Variants in ST14 observed in about 807,000 individuals in gnomAD.
ST14 encodes suppressor of tumorigenicity 14 protein.
ST14 carries 40 observed loss-of-function variants against 96.5 expected under a neutral mutation model. The ratio of observed to expected loss-of-function variants is 0.41; its 90% CI spans 0.32 to 0.54. ST14 has a LOEUF of 0.54. Ranked by LOEUF, ST14 falls within the 20% of genes least tolerant of loss-of-function variation. ST14 has a pLI of 0.17. For synonymous variants in ST14, 506 were observed against 492.1 expected (o/e 1.03, Z -0.37); for missense variants, 1,066 against 1,188.9 (o/e 0.90, Z 1.52).
chr11:130,209,515 G>A lies in ST14; in HGVS notation c.2343G>A (p.Pro781=), dbSNP rs763289583. 3.2e-6 allele frequency: 5 copies of A among 1,583,424 alleles called. No individual in the cohort carries two copies. Among genetic ancestry groups the A allele is most frequent in the Non-Finnish European group, 4.3e-6 (5 of 1,164,670 alleles). ...INQTTCENLL[P]QQITPRMMCV... is the part of the protein sequence containing the mutation. ...AGACCACCTGCGAGAACCTCCTGCC[G>A]CAGCAGATCACGCCGCGCATGATGT... The change falls in exon 18 of 19, where the codon CCG becomes CCA. Residue 781 remains proline, a synonymous_variant. Transcript: ENST00000278742.
intron 1 of ST14, among the ~76,000 whole-genome samples, chr11:130,172,099 T>C (rs989325982): frequency 2.0e-5 from 3 of 152,028 alleles, no homozygotes; most frequent in Non-Finnish European, 1.5e-5. Context: ...TCTCTTGTTT[T>C]GTTTTTTTGT....
In ST14 at chr11:130,200,042, T is replaced by G. The variant is rs1953411223; in HGVS notation, c.1899T>G (p.His633Gln). 1.2e-6 allele frequency: 2 copies of G among 1,614,186 alleles called. No homozygotes were observed. Among genetic ancestry groups the G allele is most frequent in the Non-Finnish European group, 8.5e-7 (1 of 1,180,028 alleles). Reference sequence around the variant, plus strand: ...AGTGGCCCTGGCAGGTAAGCCTGCATGCTCTGGGCCAGGGCCACATCTGCG... The same window carrying G: ...AGTGGCCCTGGCAGGTAAGCCTGCAGGCTCTGGGCCAGGGCCACATCTGCG... Reference protein sequence around the residue: ...EGEWPWQVSLHALGQGHICGA... With the variant: ...EGEWPWQVSLQALGQGHICGA... Residue 633 changes from histidine (H) to glutamine (Q), a missense_variant, in exon 16 of 19, where the codon CAT (histidine) becomes CAG (glutamine). Transcript: ENST00000278742.
intron 16 of ST14, 111 bp downstream of exon 16, chr11:130,200,248 G>A: frequency 3.2e-6 from 4 of 1,250,900 alleles, no homozygotes; most frequent in South Asian, 1.3e-5. Context: ...GGCCACATGT[G>A]TTAGTCCATT....
Position 130,199,860 on chromosome 11 carries a change from A to G in ST14, c.1808-91A>G. ...GCACGCCAAAAGCTGGCTTCCCCAC[A>G]CAGGGTCTCCTGGCACACACTGCAT... is the stretch of plus-strand genomic sequence containing the variant. On this transcript the variant is annotated intron_variant, in intron 15 of 18. Transcript: ENST00000278742. 3 of 1,546,248 alleles carry G rather than the reference A, an allele frequency of 1.9e-6. No homozygotes were observed. In the Admixed American group the frequency reaches 5.0e-5, roughly 26 times the overall value.
At chr11:130,176,543 C>G (rs1478614401) in intron 1 of ST14, among the ~76,000 whole-genome samples, 1 of 152,004 alleles carries the variant, frequency 6.6e-6, no homozygotes, top group Non-Finnish European at 1.5e-5. Flanking sequence ...TGCCCACCAC[C>G]ACACCCAGCT....
intron 1 of ST14, among the ~76,000 whole-genome samples, chr11:130,165,145 C>T (rs928932522): frequency 6.6e-6 from 1 of 152,192 alleles, no homozygotes; most frequent in African/African-American, 2.4e-5. Flanking sequence ...TAGATTGGAG[C>T]CCAGGTAGTC....
chr11:130,208,442 T>C lies in ST14; in HGVS notation c.2027T>C (p.Leu676Pro). The change falls in exon 17 of 19, where the codon CTG (leucine) becomes CCG (proline). Residue 676 changes from leucine to proline, a missense_variant. Leu to Pro is a moderately conservative substitution (Grantham distance 98). Coordinates refer to ENST00000278742, the MANE Select transcript of ST14 (RefSeq NM_021978.4). ...YSDPTQWTAF[L>P]GLHDQSQRSA... is the part of the protein sequence containing the mutation. ...GACCCCACGCAGTGGACGGCCTTCC[T>C]GGGCTTGCACGACCAGAGCCAGCGC... 2 of 1,614,168 alleles carry C rather than the reference T, an allele frequency of 1.2e-6. No homozygotes were observed. Among genetic ancestry groups the C allele is most frequent in the Non-Finnish European group, 1.7e-6 (2 of 1,180,038 alleles).
chr11:130,201,398 G>A (rs60684458), intron 16 of ST14, among the ~76,000 whole-genome samples: 5,918 of 152,322 alleles, frequency 0.039, 339 homozygotes, highest in African/African-American at 0.12. Flanking sequence ...GGTGACCCAA[G>A]CCCTCAGCTG....
At chr11:130,190,210 T>G in intron 6 of ST14, 62 bp downstream of exon 6, 1 of 1,606,648 alleles carries the variant, frequency 6.2e-7, no homozygotes, top group East Asian at 2.2e-5. Context: ...CCAGATGCCC[T>G]TGAGCCAGTG....
intron 16 of ST14, among the ~76,000 whole-genome samples, chr11:130,206,393 AGCGT>A (rs200509120): frequency 1.6e-5 from 2 of 122,360 alleles, no homozygotes; most frequent in Admixed American, 1.7e-4. Flanking sequence ...TCTTTGAATC[AGCGT>A]GAGTGTCTCG....
rs560332185 is a variant in ST14 at position 130,165,016 on chromosome 11, T to C, written c.81+4956T>C. Reference sequence around the variant, plus strand: ...CCTCCCAAAGTGCTGGGATTACAGGTGTGAGCCACCACGCCCGGCCCAGCC... The same window carrying C: ...CCTCCCAAAGTGCTGGGATTACAGGCGTGAGCCACCACGCCCGGCCCAGCC... On this transcript the variant is annotated intron_variant, in intron 1 of 18. Coordinates refer to ENST00000278742, the MANE Select transcript of ST14 (RefSeq NM_021978.4). Among the ~76,000 whole-genome samples, 3 of 152,200 alleles carry C rather than the reference T, an allele frequency of 2.0e-5. No homozygotes were observed. In the South Asian group the frequency reaches 6.2e-4, roughly 32 times the overall value.
chr11:130,173,864 C>T (rs1247558904), intron 1 of ST14, among the ~76,000 whole-genome samples: 2 of 152,170 alleles, frequency 1.3e-5, no homozygotes. Context: ...GGTGTCCCTA[C>T]CCACTTGCAC....
intron 1 of ST14, among the ~76,000 whole-genome samples, chr11:130,184,705 C>G (rs1953222383): frequency 6.6e-6 from 1 of 152,098 alleles, no homozygotes; most frequent in Non-Finnish European, 1.5e-5. Flanking sequence ...CAGCAGACTC[C>G]CACAGTGGAT....
Position 130,187,665 on chromosome 11 carries a change from G to A in ST14, c.82-449G>A, listed in dbSNP as rs972818534. 5.3e-5 allele frequency among the ~76,000 whole-genome samples: 8 copies of A among 152,120 alleles called. No individual in the cohort carries two copies. The highest frequency in any genetic ancestry group is 2.0e-4 in the Admixed American group (3 of 15,274). On this transcript the variant is annotated intron_variant, in intron 1 of 18. Coordinates refer to ENST00000278742, the MANE Select transcript of ST14 (RefSeq NM_021978.4). This position sits in a 1 kb window ranked among gnomAD's most constrained non-coding sequence, Gnocchi z 4.5. ...TGAATCTGGTAGGGGCTGTGTCCGA[G>A]GGAGCAGGGCCTGCTCCTAGAAGTC...
intron 1 of ST14, among the ~76,000 whole-genome samples, chr11:130,168,603 C>T (rs1028245827): frequency 5.9e-5 from 9 of 152,100 alleles, no homozygotes; most frequent in Non-Finnish European, 1.5e-5. Context: ...AGGATGGTCT[C>T]GCGAGGATGA....
chr11:130,192,517 C>G (rs1953314598), intron 7 of ST14, among the ~76,000 whole-genome samples: 1 of 152,164 alleles, frequency 6.6e-6, no homozygotes, highest in Admixed American at 6.6e-5. Flanking sequence ...TCCTCTCGAG[C>G]AGCTGGGATT....
rs536095933 is a variant in ST14 at position 130,181,597 on chromosome 11, A to T, written c.82-6517A>T. Reference sequence around the variant, plus strand: ...CCCAGTAGAGAGGTGTTATGCCTACAGTTGTCTAAGTGTCTAAGTGGATGG... The same window carrying T: ...CCCAGTAGAGAGGTGTTATGCCTACTGTTGTCTAAGTGTCTAAGTGGATGG... On this transcript the variant is annotated intron_variant, in intron 1 of 18. Coordinates refer to ENST00000278742, the MANE Select transcript of ST14 (RefSeq NM_021978.4). This position sits in a 1 kb window ranked among gnomAD's most constrained non-coding sequence, Gnocchi z 4.1. Among the ~76,000 whole-genome samples, 1 of 152,322 alleles carries T rather than the reference A, an allele frequency of 6.6e-6. No homozygotes were observed. The highest frequency in any genetic ancestry group is 2.4e-5 in the African/African-American group (1 of 41,568).
At chr11:130,179,069 C>T (rs534362088) in intron 1 of ST14, among the ~76,000 whole-genome samples, 2 of 152,332 alleles carry the variant, frequency 1.3e-5, no homozygotes, top group Admixed American at 1.3e-4. Context: ...GACTCTAAGC[C>T]AGCTTCTCCT....
chr11:130,198,708 A>T (rs567131046), intron 14 of ST14, 87 bp downstream of exon 14: 1 of 1,377,618 alleles, frequency 7.3e-7, no homozygotes, highest in African/African-American at 1.4e-5. Flanking sequence ...GGACGCCCCG[A>T]GTTTAATGAA....
Sources: allele counts gnomAD v4.1 joint callset (sites outside exome capture counted in the v4.1 genomes callset), GRCh38; gene constraint gnomAD v4.1.1; non-coding constraint Gnocchi (gnomAD v3.1); transcripts MANE v1.5; gene names NCBI Gene and HGNC (gene_info 2026-07-23, HGNC 2026-07-21).